NRXN3: variants seen among roughly 807,000 people sequenced by gnomAD.
NRXN3 encodes the protein neurexin III.
Under a neutral mutation model 137.6 loss-of-function variants are expected in NRXN3, and 32 were observed. That is an observed-to-expected ratio of 0.23 (90% CI 0.18 to 0.31). The LOEUF (loss-of-function observed/expected upper bound fraction) is 0.31. Among genes scored for constraint, NRXN3 ranks in the 10% least tolerant of loss-of-function variants. NRXN3 has a pLI of 1.00. For synonymous variants in NRXN3, 798 were observed against 784.5 expected, an observed-to-expected ratio of 1.02 and a Z score of -0.29; for missense variants, 1,574 against 2,062.5, an observed-to-expected ratio of 0.76 and a Z score of 4.59.
At chr14:79,027,617 C>A (rs2099600749) in intron 15 of NRXN3, among the ~76,000 whole-genome samples, 4 of 152,048 alleles carry the variant, frequency 2.6e-5, no homozygotes, top group Admixed American at 2.6e-4. Flanking sequence ...GGATTGAGGT[C>A]TCTAGAATGT....
Position 79,357,715 on chromosome 14 carries a change from G to A in NRXN3, c.3263-109506G>A, listed in dbSNP as rs146153107. On this transcript the variant is annotated intron_variant, in intron 15 of 20. Coordinates refer to ENST00000335750, the MANE Select transcript of NRXN3 (RefSeq NM_001330195.2). ...GGATTTAAGAAAAATAAAATAAACTGATATATATATACATACCTTTAGAAG... is the reference window on the plus strand; with the variant it reads ...GGATTTAAGAAAAATAAAATAAACTAATATATATATACATACCTTTAGAAG... 5.7e-3 allele frequency among the ~76,000 whole-genome samples: 859 copies of A among 152,028 alleles called. 6 individuals are homozygous for A. Among genetic ancestry groups the A allele is most frequent in the African/African-American group, 0.02 (831 of 41,452 alleles).
At chr14:78,781,095 A>C (rs189471395) in intron 8 of NRXN3, among the ~76,000 whole-genome samples, 165 of 152,368 alleles carry the variant, frequency 1.1e-3, no homozygotes, top group Non-Finnish European at 1.2e-3. Context: ...GGAGCAGAAC[A>C]AATGAGAGCT....
At chr14:79,280,025 T>A in intron 15 of NRXN3, 4 of 1,242,996 alleles carry the variant, frequency 3.2e-6, no homozygotes, top group Non-Finnish European at 4.0e-6. Context: ...CCGTAGGAGG[T>A]TTGCTATACC....
intron 11 of NRXN3, among the ~76,000 whole-genome samples, chr14:78,958,978 C>T (rs535717539): frequency 9.2e-5 from 14 of 152,162 alleles, no homozygotes; most frequent in South Asian, 2.1e-4. Flanking sequence ...TATACTAAAC[C>T]TCTTTTTCCT....
intron 15 of NRXN3, among the ~76,000 whole-genome samples, chr14:79,251,466 T>C (rs1236001880): frequency 6.6e-6 from 1 of 152,142 alleles, no homozygotes; most frequent in African/African-American, 2.4e-5. Flanking sequence ...AACTACAGTA[T>C]ACAACGTACA....
intron 2 of NRXN3, among the ~76,000 whole-genome samples, chr14:78,271,598 G>A (rs2072760505): frequency 6.6e-6 from 1 of 152,164 alleles, no homozygotes; most frequent in Non-Finnish European, 1.5e-5. Context: ...CTGCAAGTAT[G>A]TGAGAGCCCC....
intron 10 of NRXN3, among the ~76,000 whole-genome samples, chr14:78,928,271 C>G (rs1372363827): frequency 6.6e-6 from 1 of 152,080 alleles, no homozygotes; most frequent in Non-Finnish European, 1.5e-5. Flanking sequence ...GCAGGACTTC[C>G]TCCTGCAAAT....
intron 1 of NRXN3, among the ~76,000 whole-genome samples, chr14:78,195,015 G>C (rs1336415804): frequency 6.6e-6 from 1 of 152,204 alleles, no homozygotes; most frequent in Non-Finnish European, 1.5e-5. Context: ...GTGTTAAGAA[G>C]CCCTTGGTGG....
At chr14:79,549,507 C>T (rs984411221) in intron 16 of NRXN3, among the ~76,000 whole-genome samples, 1 of 152,094 alleles carries the variant, frequency 6.6e-6, no homozygotes, top group Non-Finnish European at 1.5e-5. Flanking sequence ...CACCAAAACA[C>T]ACATATTCCA....
In NRXN3 at chr14:79,637,729, C is replaced by CTTTTTTTTTTTTTT. The variant is rs554654576; in HGVS notation, c.3445-26044_3445-26031dup. On this transcript the variant is annotated intron_variant, in intron 16 of 20. Coordinates refer to ENST00000335750, the MANE Select transcript of NRXN3 (RefSeq NM_001330195.2). ...AACTGATGTAAGATATAGAAAAGTT[C>CTTTTTTTTTTTTTT]TTTTTTTTTTTTTTTTTTGAGATGG... Among the ~76,000 whole-genome samples the CTTTTTTTTTTTTTT allele has an allele frequency of 7.0e-3, 667 of 95,542 alleles. 97 individuals are homozygous for CTTTTTTTTTTTTTT. The highest frequency in any genetic ancestry group is 0.017 in the Middle Eastern group (2 of 116). The allele number at this position is 95,542 out of a possible 152,430, so 62.7% of individuals were successfully genotyped here. A position where few individuals can be genotyped will look rare whatever the true frequency, so the allele number is the denominator to read the frequency against.
intron 19 of NRXN3, among the ~76,000 whole-genome samples, chr14:79,793,583 G>A (rs559052871): frequency 7.2e-5 from 11 of 152,212 alleles, no homozygotes; most frequent in African/African-American, 2.6e-4. Context: ...CTGTTCTCAG[G>A]GTTAGCTATA....
At chr14:79,772,883 C>A (rs2099083509) in intron 19 of NRXN3, among the ~76,000 whole-genome samples, 1 of 152,120 alleles carries the variant, frequency 6.6e-6, no homozygotes, top group South Asian at 2.1e-4. Flanking sequence ...ACTTATCTGA[C>A]AAAGGGCTAA....
At chr14:79,571,595 C>G (rs1362712734) in intron 16 of NRXN3, among the ~76,000 whole-genome samples, 2 of 152,150 alleles carry the variant, frequency 1.3e-5, no homozygotes, top group African/African-American at 2.4e-5. Context: ...GTCTTTTGAT[C>G]TAGCGGAGTC....
chr14:79,481,828 G>T (rs2096611559), intron 16 of NRXN3, among the ~76,000 whole-genome samples: 1 of 152,088 alleles, frequency 6.6e-6, no homozygotes, highest in Admixed American at 6.6e-5. Flanking sequence ...GATGGGTGCT[G>T]CTGATTGGTT....
At chr14:78,576,802 G>A (rs1405598943) in intron 4 of NRXN3, among the ~76,000 whole-genome samples, 3 of 152,154 alleles carry the variant, frequency 2.0e-5, no homozygotes, top group Non-Finnish European at 4.4e-5. Flanking sequence ...GGCAAAATTT[G>A]CGACTTCCTA....
chr14:78,982,942 A>G (rs371985180), intron 14 of NRXN3, among the ~76,000 whole-genome samples: 4 of 152,172 alleles, frequency 2.6e-5, no homozygotes, highest in South Asian at 4.1e-4. Flanking sequence ...TCAAAATAAG[A>G]AAACAAATAC....
intron 10 of NRXN3, among the ~76,000 whole-genome samples, chr14:78,946,588 A>G (rs1198840233): frequency 6.6e-6 from 1 of 152,152 alleles, no homozygotes; most frequent in Non-Finnish European, 1.5e-5. Flanking sequence ...ATACAGTCTG[A>G]AAGTGGGGTG....
At chr14:78,882,051 C>G (rs946319810) in intron 10 of NRXN3, among the ~76,000 whole-genome samples, 5 of 151,730 alleles carry the variant, frequency 3.3e-5, no homozygotes, top group Non-Finnish European at 7.4e-5. Context: ...AAGGTGTAAG[C>G]CCCCATTCTT....
At chr14:78,841,142 G>A (rs548880467) in intron 10 of NRXN3, among the ~76,000 whole-genome samples, 1 of 152,234 alleles carries the variant, frequency 6.6e-6, no homozygotes, top group African/African-American at 2.4e-5. Flanking sequence ...TCATGTCACA[G>A]AAGTCCACTG....
Sources: allele counts gnomAD v4.1 joint callset (sites outside exome capture counted in the v4.1 genomes callset), GRCh38; gene constraint gnomAD v4.1.1; transcripts MANE v1.5; gene names NCBI Gene and HGNC (gene_info 2026-07-23, HGNC 2026-07-21).